ZRANB3: variants seen among roughly 807,000 people sequenced by gnomAD.
ZRANB3 encodes DNA annealing helicase and endonuclease ZRANB3.
A neutral mutation model predicts 133.8 loss-of-function variants in ZRANB3; 125 were observed. That is an observed-to-expected ratio of 0.93 (90% CI 0.81 to 1.08). ZRANB3 has a LOEUF of 1.08. Ranked by LOEUF, ZRANB3 falls within the 50% of genes least tolerant of loss-of-function variation. The pLI is 0.00. For synonymous variants in ZRANB3, 387 were observed against 432.7 expected (o/e 0.89, Z 1.31); for missense variants, 1,229 against 1,275.5 (o/e 0.96, Z 0.56).
At chr2:135,487,854 A>C (rs190712960) in intron 2 of ZRANB3, among the ~76,000 whole-genome samples, 2 of 152,284 alleles carry the variant, frequency 1.3e-5, no homozygotes, top group Admixed American at 1.3e-4. Flanking sequence ...CTTATCTCTC[A>C]TTTGTATACT....
chr2:135,354,935 C>T (rs1272778644), intron 3 of ZRANB3, among the ~76,000 whole-genome samples: 3 of 152,080 alleles, frequency 2.0e-5, no homozygotes, highest in African/African-American at 4.8e-5. Flanking sequence ...ATAATCCTTA[C>T]TTTTTTAGTA....
chr2:135,415,142 C>G (rs961486023), intron 2 of ZRANB3, among the ~76,000 whole-genome samples: 3 of 150,408 alleles, frequency 2.0e-5, no homozygotes, highest in African/African-American at 4.9e-5. Context: ...AAAAAAAAAC[C>G]CTTCAAAAAA....
chr2:135,529,122 C>G (rs529740291), intron 1 of ZRANB3, among the ~76,000 whole-genome samples: 5 of 152,178 alleles, frequency 3.3e-5, no homozygotes, highest in Non-Finnish European at 1.5e-5. Context: ...AGCGCTCATA[C>G]CATAAATACA....
At chr2:135,481,418 G>C (rs1216618960) in intron 2 of ZRANB3, among the ~76,000 whole-genome samples, 2 of 152,114 alleles carry the variant, frequency 1.3e-5, no homozygotes, top group East Asian at 1.9e-4. Context: ...GTCTTCTTTT[G>C]AGAAGTGTCT....
intron 10 of ZRANB3, 140 bp from the exon 11 acceptor site, chr2:135,269,281 A>G: frequency 1.6e-6 from 1 of 636,244 alleles, no homozygotes; most frequent in Non-Finnish European, 2.4e-6. Flanking sequence ...TTAAGATTTA[A>G]TTCATGAAAG....
At chr2:135,340,012 T>G (rs1483297448) in intron 6 of ZRANB3, among the ~76,000 whole-genome samples, 1 of 152,090 alleles carries the variant, frequency 6.6e-6, no homozygotes, top group Non-Finnish European at 1.5e-5. Flanking sequence ...CTCTATGTTT[T>G]ATTTAGGGTT....
chr2:135,462,761 T>G (rs1690821340), intron 2 of ZRANB3, among the ~76,000 whole-genome samples: 1 of 152,064 alleles, frequency 6.6e-6, no homozygotes, highest in African/African-American at 2.4e-5. Context: ...CCTGGCTAGT[T>G]TTTGTATTTT....
At chr2:135,213,699 T>C (rs1464249031) in intron 17 of ZRANB3, among the ~76,000 whole-genome samples, 1 of 152,162 alleles carries the variant, frequency 6.6e-6, no homozygotes, top group Non-Finnish European at 1.5e-5. Flanking sequence ...GAATAGTCTT[T>C]TAACTTGTGT....
intron 2 of ZRANB3, among the ~76,000 whole-genome samples, chr2:135,431,891 TACG>T (rs1225447459): frequency 6.6e-6 from 1 of 152,160 alleles, no homozygotes. Flanking sequence ...TAAATAGTTG[TACG>T]ACATTATGAA....
At chr2:135,343,966 T>A (rs1239140687) in intron 6 of ZRANB3, among the ~76,000 whole-genome samples, 1 of 139,582 alleles carries the variant, frequency 7.2e-6, no homozygotes, top group Non-Finnish European at 1.5e-5. Flanking sequence ...TTTGGAAAAA[T>A]CTAATAATAT....
At chr2:135,458,937 C>T (rs1344308567) in intron 2 of ZRANB3, among the ~76,000 whole-genome samples, 1 of 152,082 alleles carries the variant, frequency 6.6e-6, no homozygotes, top group Non-Finnish European at 1.5e-5. Context: ...TAAATCACTG[C>T]TCAAGGTCAG....
chr2:135,400,431 C>T (rs974516518), intron 2 of ZRANB3, among the ~76,000 whole-genome samples: 1 of 151,798 alleles, frequency 6.6e-6, no homozygotes, highest in African/African-American at 2.4e-5. Flanking sequence ...CTGCAACCTC[C>T]GCCTCCTGGG....
In ZRANB3 at chr2:135,273,130, G is replaced by A. The variant is rs551695061; in HGVS notation, c.1087-1243C>T. 1.2e-3 allele frequency among the ~76,000 whole-genome samples: 177 copies of A among 150,686 alleles called. 1 individual carries two copies. The highest frequency in any genetic ancestry group is 3.9e-3 in the African/African-American group (161 of 40,958). On this transcript the variant is annotated intron_variant, in intron 9 of 20. Coordinates refer to ENST00000264159, the MANE Select transcript of ZRANB3 (RefSeq NM_032143.4). ...GAACCCGGGAGGCGGAGCTTGCAGC[G>A]AGTGGAGATCTAGCCACTGCACTCC...
At chr2:135,267,762 TA>T (rs1003690094) in intron 11 of ZRANB3, among the ~76,000 whole-genome samples, 5 of 152,146 alleles carry the variant, frequency 3.3e-5, no homozygotes, top group Non-Finnish European at 1.5e-5. Context: ...ATCCAGTGCT[TA>T]AAAAACATTT....
rs192221056 is a variant in ZRANB3 at position 135,390,874 on chromosome 2, T to A, written c.162-54A>T. The A allele has an allele frequency of 8.8e-5, 131 of 1,480,678 alleles. No homozygotes were observed. The African/African-American group carries it at 1.7e-3, about 19-fold the overall frequency. 91.7% of individuals were successfully genotyped at this position (1,480,678 alleles called of 1,614,324 possible). ...TATCAGAGTGAACCTTTTTCCTTTTTTTTTTGAGATGGAGTCTCGCTCTGT... is the reference window on the plus strand; with the variant it reads ...TATCAGAGTGAACCTTTTTCCTTTTATTTTTGAGATGGAGTCTCGCTCTGT... On this transcript the variant is annotated intron_variant, in intron 2 of 20. Coordinates refer to ENST00000264159, the MANE Select transcript of ZRANB3 (RefSeq NM_032143.4).
intron 6 of ZRANB3, among the ~76,000 whole-genome samples, chr2:135,330,841 G>T (rs1684105043): frequency 6.6e-6 from 1 of 152,156 alleles, no homozygotes; most frequent in South Asian, 2.1e-4. Context: ...TTGTATAGAG[G>T]TGTTTATAGT....
At chr2:135,366,507 C>A (rs1322513549) in intron 3 of ZRANB3, among the ~76,000 whole-genome samples, 4 of 151,960 alleles carry the variant, frequency 2.6e-5, no homozygotes, top group African/African-American at 7.3e-5. Flanking sequence ...AGGAAGGCCA[C>A]TGAATACTGA....
intron 2 of ZRANB3, among the ~76,000 whole-genome samples, chr2:135,404,930 G>T (rs987210734): frequency 6.6e-6 from 1 of 152,114 alleles, no homozygotes; most frequent in Non-Finnish European, 1.5e-5. Context: ...AAAATAACCA[G>T]CTAACATTAT....
intron 16 of ZRANB3, among the ~76,000 whole-genome samples, chr2:135,218,489 G>T (rs960136814): frequency 6.6e-6 from 1 of 151,570 alleles, no homozygotes; most frequent in Admixed American, 6.6e-5. Context: ...TGACCTACGG[G>T]CAATGCTTCA....
Sources: gnomAD v4.1 joint callset for allele counts (sites outside exome capture counted in the v4.1 genomes callset) on GRCh38, gnomAD v4.1.1 for gene constraint, MANE v1.5 for transcripts, NCBI Gene and HGNC (gene_info 2026-07-23, HGNC 2026-07-21) for gene names.